Variants in FUCA2 observed in about 807,000 individuals in gnomAD.
FUCA2 encodes the protein alpha-L-fucosidase 2.
Under a neutral mutation model 52.6 loss-of-function variants are expected in FUCA2, and 41 were observed. The ratio of observed to expected loss-of-function variants is 0.78; its 90% CI spans 0.61 to 1.01. FUCA2 has a LOEUF of 1.01. FUCA2 is among the 50% of genes least tolerant of loss of function. The pLI is 0.00. For synonymous variants in FUCA2, 211 were observed against 217.3 expected (o/e 0.97, Z 0.26); for missense variants, 507 against 569.5 (o/e 0.89, Z 1.12).
Position 143,502,106 on chromosome 6 carries a change from A to G in FUCA2, c.980T>C (p.Val327Ala). The change falls in exon 5 of 7, where the codon GTT becomes GCT. Residue 327 changes from valine to alanine, a missense_variant. By Grantham distance (64) the Val-to-Ala change is moderately conservative. Coordinates refer to ENST00000002165, the MANE Select transcript of FUCA2 (RefSeq NM_032020.5). The surrounding 1 kb of genome is among the most constrained non-coding windows in gnomAD (Gnocchi z 4.1). ...EELVKQLVET[V>A]SCGGNLLMNI... ...CATCAAAAGATTTCCTCCACATGAA[A>G]CTGTCTCTACAAGTTGCTAAAAAAT... 6.2e-7 allele frequency: 1 copy of G among 1,607,440 alleles called. No individual in the cohort carries two copies. Among genetic ancestry groups the G allele is most frequent in the South Asian group, 1.1e-5 (1 of 89,422 alleles).
Position 143,497,334 on chromosome 6 carries a change from G to A in FUCA2, c.1263+55C>T, listed in dbSNP as rs1282729511. On this transcript the variant is annotated intron_variant, in intron 6 of 6. Coordinates refer to ENST00000002165, the MANE Select transcript of FUCA2 (RefSeq NM_032020.5). This position sits in a 1 kb window ranked among gnomAD's most constrained non-coding sequence, Gnocchi z 5.3. ...AGGCTCCCCTTAAAAGTTAATGTTT[G>A]CATCAAGATGTTCTAATCAGCAATT... is the stretch of plus-strand genomic sequence containing the variant. 6.4e-6 allele frequency: 7 copies of A among 1,100,462 alleles called. No homozygotes were observed. The African/African-American group carries it at 1.1e-4, about 17-fold the overall frequency. The allele number at this position is 1,100,462 out of a possible 1,614,324, so 68.2% of individuals were successfully genotyped here.
intron 1 of FUCA2, among the ~76,000 whole-genome samples, chr6:143,508,530 G>A (rs778228664): frequency 2.0e-5 from 3 of 152,242 alleles, no homozygotes; most frequent in Admixed American, 6.5e-5. Flanking sequence ...TCGTATTTAC[G>A]TAATTTCCCA....
chr6:143,502,634 A>C lies in FUCA2; in HGVS notation c.753-69T>G. 7.8e-7 allele frequency: 1 copy of C among 1,284,222 alleles called. No homozygotes were observed. Among genetic ancestry groups the C allele is most frequent in the Non-Finnish European group, 1.1e-6 (1 of 908,544 alleles). The allele number at this position is 1,284,222 out of a possible 1,614,324, so 79.6% of individuals were successfully genotyped here. ...TTTTATACAAAAAGAAATGTCACTG[A>C]AAAGACATGTAATTGAAATACAATT... On this transcript the variant is annotated intron_variant, in intron 3 of 6. Transcript: ENST00000002165. This position sits in a 1 kb window ranked among gnomAD's most constrained non-coding sequence, Gnocchi z 4.1.
chr6:143,504,100 G>A lies in FUCA2; in HGVS notation c.565C>T (p.Pro189Ser). Residue 189 changes from proline (P) to serine (S), a missense_variant, in exon 3 of 7, where the codon CCG becomes TCG. Transcript: ENST00000002165. This position sits in a 1 kb window ranked among gnomAD's most constrained non-coding sequence, Gnocchi z 4.4. Reference protein sequence around the residue: ...LYYSLFEWFHPLFLEDESSSF... With the variant: ...LYYSLFEWFHSLFLEDESSSF... ...CTGGATTCATCCTCAAGGAAGAGCG[G>A]ATGAAACCATTCAAAAAGGGAATAG... is the stretch of plus-strand genomic sequence containing the variant. The A allele has an allele frequency of 6.2e-7, 1 of 1,614,038 alleles. No individual in the cohort carries two copies. The highest frequency in any genetic ancestry group is 8.5e-7 in the Non-Finnish European group (1 of 1,179,998).
Position 143,507,407 on chromosome 6 carries a change from TC to T in FUCA2, c.241del (p.Glu81LysfsTer10). Reference protein sequence around the residue: ...SEWFWWYWQKEKIPKYVEFMK... With the variant: ...SEWFWWYWQKXKIPKYVEFMK... ...AAATTCCACATACTTCGGTATCTTT[TC>T]CTTTTGCCAATACCACCTAAGGGGA... On this transcript the variant is annotated frameshift_variant, in exon 2 of 7. Transcript: ENST00000002165. LOFTEE classifies it high-confidence loss of function. The surrounding 1 kb of genome is among the most constrained non-coding windows in gnomAD (Gnocchi z 4.5). 6.3e-7 allele frequency: 1 copy of T among 1,597,312 alleles called. No homozygotes were observed. The highest frequency in any genetic ancestry group is 8.5e-7 in the Non-Finnish European group (1 of 1,175,712).
Position 143,503,979 on chromosome 6 carries a change from C to T in FUCA2, c.686G>A (p.Gly229Asp). ...GTATTGATCCGGTGCTCCTCCGTCA[C>T]CATCCGACCACAGAACCTCAGGCTG... ...NYQPEVLWSD[G>D]DGGAPDQYWN... The change falls in exon 3 of 7, where the codon GGT becomes GAT. Residue 229 changes from glycine to aspartate, a missense_variant. Coordinates refer to ENST00000002165, the MANE Select transcript of FUCA2 (RefSeq NM_032020.5). The surrounding 1 kb of genome is among the most constrained non-coding windows in gnomAD (Gnocchi z 4.8). The T allele has an allele frequency of 6.2e-7, 1 of 1,614,174 alleles. No individual in the cohort carries two copies. Among genetic ancestry groups the T allele is most frequent in the Non-Finnish European group, 8.5e-7 (1 of 1,180,038 alleles).
chr6:143,507,367 G>T lies in FUCA2; in HGVS notation c.282C>A (p.Tyr94Ter). The change falls in exon 2 of 7, where the codon TAC becomes TAA. Residue 94 changes from tyrosine (Y) to a stop codon, truncating the protein, a stop_gained. Transcript: ENST00000002165. LOFTEE classifies it high-confidence loss of function. This position sits in a 1 kb window ranked among gnomAD's most constrained non-coding sequence, Gnocchi z 4.5. ...AATCTTCATATTTGAAACTAGGAGGGTAATTATCTTTCATAAATTCCACAT... is the reference window on the plus strand; with the variant it reads ...AATCTTCATATTTGAAACTAGGAGGTTAATTATCTTTCATAAATTCCACAT... ...PKYVEFMKDN[Y>*]PPSFKYEDFG... 2 of 1,605,462 alleles carry T rather than the reference G, an allele frequency of 1.2e-6. No homozygotes were observed. Among genetic ancestry groups the T allele is most frequent in the South Asian group, 2.3e-5 (2 of 88,524 alleles).
In FUCA2 at chr6:143,502,495, A is replaced by G. The variant is rs1346227429; in HGVS notation, c.823T>C (p.Tyr275His). The G allele has an allele frequency of 2.5e-6, 4 of 1,614,034 alleles. No individual in the cohort carries two copies. The highest frequency in any genetic ancestry group is 2.5e-6 in the Non-Finnish European group (3 of 1,179,992). Residue 275 changes from tyrosine (Y) to histidine (H), a missense_variant, in exon 4 of 7, where the codon TAT becomes CAT. Transcript: ENST00000002165. This position sits in a 1 kb window ranked among gnomAD's most constrained non-coding sequence, Gnocchi z 4.1. Reference protein sequence around the residue: ...AGSICKHGGFYTCSDRYNPGH... With the variant: ...AGSICKHGGFHTCSDRYNPGH... ...GGGTTATAACGATCACTGCAGGTAT[A>G]GAAGCCACCATGCTTACAGATGCTA...
In FUCA2 at chr6:143,497,149, CAG is replaced by C. The variant is rs1174039451; in HGVS notation, c.1263+238_1263+239del. ...TAACTTTAAAAAAAATTTTTGTAGA[CAG>C]GGGTCTTGCTATGTTGCCCAGGCTA... On this transcript the variant is annotated intron_variant, in intron 6 of 6. Coordinates refer to ENST00000002165, the MANE Select transcript of FUCA2 (RefSeq NM_032020.5). This position sits in a 1 kb window ranked among gnomAD's most constrained non-coding sequence, Gnocchi z 5.3. The C allele has an allele frequency of 2.1e-5, 9 of 421,144 alleles. No homozygotes were observed. The highest frequency in any genetic ancestry group is 5.5e-5 in the South Asian group (2 of 36,228). 26.1% of individuals were successfully genotyped at this position (421,144 alleles called of 1,614,324 possible).
chr6:143,499,834 G>A lies in FUCA2; in HGVS notation c.1154+2098C>T, dbSNP rs1427437793. ...GGGTTCAAGAGAAAAACTGTAGCAA[G>A]GAATTAGAGATAGCAAGTGAAAACA... On this transcript the variant is annotated intron_variant, in intron 5 of 6. Transcript: ENST00000002165. The surrounding 1 kb of genome is among the most constrained non-coding windows in gnomAD (Gnocchi z 6.0). Among the ~76,000 whole-genome samples the A allele has an allele frequency of 1.3e-5, 2 of 151,844 alleles. No homozygotes were observed. The highest frequency in any genetic ancestry group is 1.3e-4 in the Admixed American group (2 of 15,264).
Position 143,502,601 on chromosome 6 carries a change from TA to T in FUCA2, c.753-37del. On this transcript the variant is annotated intron_variant, in intron 3 of 6. Coordinates refer to ENST00000002165, the MANE Select transcript of FUCA2 (RefSeq NM_032020.5). This position sits in a 1 kb window ranked among gnomAD's most constrained non-coding sequence, Gnocchi z 4.1. ...ACATACAATTTTTTAAAACAAAAGG[TA>T]TAAGCTTTTTATACAAAAAGAAATG... The T allele has an allele frequency of 6.5e-7, 1 of 1,537,802 alleles. No individual in the cohort carries two copies. Among genetic ancestry groups the T allele is most frequent in the Non-Finnish European group, 8.9e-7 (1 of 1,126,580 alleles).
rs1780683270 is a variant in FUCA2 at position 143,511,522 on chromosome 6, C to G, written c.113G>C (p.Trp38Ser). The change falls in exon 1 of 7, where the codon TGG becomes TCG. Residue 38 changes from tryptophan to serine, a missense_variant. Physicochemically the swap from Trp to Ser is radical, Grantham distance 177 (BLOSUM62 -3). Coordinates refer to ENST00000002165, the MANE Select transcript of FUCA2 (RefSeq NM_032020.5). This position sits in a 1 kb window ranked among gnomAD's most constrained non-coding sequence, Gnocchi z 6.3. ...CAGCTGGCGGGCGTCCAGGGACTCC[C>G]AGGTGGGGTCGAAGCGCGTGGCGCT... is the stretch of plus-strand genomic sequence containing the variant. ...AHSATRFDPT[W>S]ESLDARQLPA... The G allele has an allele frequency of 6.3e-7, 1 of 1,590,928 alleles. No homozygotes were observed. The highest frequency in any genetic ancestry group is 1.3e-5 in the African/African-American group (1 of 74,298).
chr6:143,510,934 C>T lies in FUCA2; in HGVS notation c.224+477G>A, dbSNP rs1035346524. 1.3e-5 allele frequency among the ~76,000 whole-genome samples: 2 copies of T among 152,068 alleles called. No homozygotes were observed. Among genetic ancestry groups the T allele is most frequent in the African/African-American group, 4.8e-5 (2 of 41,396 alleles). On this transcript the variant is annotated intron_variant, in intron 1 of 6. Transcript: ENST00000002165. This position sits in a 1 kb window ranked among gnomAD's most constrained non-coding sequence, Gnocchi z 4.4. ...GGGTAACATGTTAACATTAAGTAGC[C>T]AATGGTGTTCAATGAACAGTCGTTT...
At position 143,502,532 on chromosome 6, in the gene FUCA2, A is replaced by C. The variant is rs760005569; in HGVS notation, c.786T>G (p.Arg262=). 1 of 1,614,086 alleles carries C rather than the reference A, an allele frequency of 6.2e-7. No homozygotes were observed. The highest frequency in any genetic ancestry group is 8.5e-7 in the Non-Finnish European group (1 of 1,179,940). ...PVRGTVVTND[R]WGAGSICKHG... ...GCTTACAGATGCTACCAGCTCCCCA[A>C]CGATCATTGGTGACTACTGTGCCCC... The change falls in exon 4 of 7, where the codon CGT becomes CGG. Residue 262 remains arginine, a synonymous_variant. Coordinates refer to ENST00000002165, the MANE Select transcript of FUCA2 (RefSeq NM_032020.5). This position sits in a 1 kb window ranked among gnomAD's most constrained non-coding sequence, Gnocchi z 4.1.
At chr6:143,508,443 C>A (rs748711246) in intron 1 of FUCA2, among the ~76,000 whole-genome samples, 1 of 152,192 alleles carries the variant, frequency 6.6e-6, no homozygotes, top group Non-Finnish European at 1.5e-5. Flanking sequence ...TTTCCCAAGA[C>A]GATCAGGAGA....
chr6:143,504,441 C>T lies in FUCA2; in HGVS notation c.413-189G>A. 1.7e-6 allele frequency: 1 copy of T among 586,968 alleles called. No individual in the cohort carries two copies. The highest frequency in any genetic ancestry group is 2.9e-5 in the East Asian group (1 of 34,806). The allele number at this position is 586,968 out of a possible 1,614,324, so 36.4% of individuals were successfully genotyped here. On this transcript the variant is annotated intron_variant, in intron 2 of 6. Transcript: ENST00000002165. This position sits in a 1 kb window ranked among gnomAD's most constrained non-coding sequence, Gnocchi z 4.4. ...TTTATATGAGAAGTGAGAATTTAAA[C>T]AAGGTGAGACAGGTTTTTAAAAGCA...
rs905531923 is a variant in FUCA2 at position 143,501,858 on chromosome 6, C to T, written c.1154+74G>A. The T allele has an allele frequency of 2.2e-6, 3 of 1,340,360 alleles. No individual in the cohort carries two copies. The highest frequency in any genetic ancestry group is 3.1e-6 in the Non-Finnish European group (3 of 974,790). 83.0% of individuals were successfully genotyped at this position (1,340,360 alleles called of 1,614,324 possible). On this transcript the variant is annotated intron_variant, in intron 5 of 6. Coordinates refer to ENST00000002165, the MANE Select transcript of FUCA2 (RefSeq NM_032020.5). This position sits in a 1 kb window ranked among gnomAD's most constrained non-coding sequence, Gnocchi z 6.1. Reference sequence around the variant, plus strand: ...TCATCCAATTTCTCTTTTTATCCTACTCTTCTTTATATGTCTGATAAATTT... The same window carrying T: ...TCATCCAATTTCTCTTTTTATCCTATTCTTCTTTATATGTCTGATAAATTT...
rs1780553413 is a variant in FUCA2 at position 143,503,180 on chromosome 6, C to CGAAGGAG, written c.753-616_753-615insCTCCTTC. 1 of 152,674 alleles carries CGAAGGAG rather than the reference C, an allele frequency of 6.5e-6. No homozygotes were observed. Among genetic ancestry groups the CGAAGGAG allele is most frequent in the Non-Finnish European group, 1.5e-5 (1 of 68,438 alleles). The allele number at this position is 152,674 out of a possible 1,614,324, so 9.5% of individuals were successfully genotyped here. ...TTGAAGTGATGGCTCCCAGTTTTTT[C>CGAAGGAG]CCTTGGAAGGAGTACCTGGACACAC... is the stretch of plus-strand genomic sequence containing the variant. On this transcript the variant is annotated intron_variant, in intron 3 of 6. Transcript: ENST00000002165. The surrounding 1 kb of genome is among the most constrained non-coding windows in gnomAD (Gnocchi z 4.8).
Position 143,501,640 on chromosome 6 carries a change from T to C in FUCA2, c.1154+292A>G, listed in dbSNP as rs1212099739. 1.3e-5 allele frequency among the ~76,000 whole-genome samples: 2 copies of C among 152,368 alleles called. No homozygotes were observed. Among genetic ancestry groups the C allele is most frequent in the Non-Finnish European group, 2.9e-5 (2 of 68,028 alleles). ...TAGACTAACCATTCAGCATTTTTCATTGGTCTGAACAGCTTACAATTTTTC... is the reference window on the plus strand; with the variant it reads ...TAGACTAACCATTCAGCATTTTTCACTGGTCTGAACAGCTTACAATTTTTC... On this transcript the variant is annotated intron_variant, in intron 5 of 6. Coordinates refer to ENST00000002165, the MANE Select transcript of FUCA2 (RefSeq NM_032020.5). This position sits in a 1 kb window ranked among gnomAD's most constrained non-coding sequence, Gnocchi z 6.1.
Sources: allele counts gnomAD v4.1 joint callset (sites outside exome capture counted in the v4.1 genomes callset), GRCh38; gene constraint gnomAD v4.1.1; non-coding constraint Gnocchi (gnomAD v3.1); transcripts MANE v1.5; gene names NCBI Gene and HGNC (gene_info 2026-07-23, HGNC 2026-07-21).